TMEM128: variants seen among roughly 807,000 people sequenced by gnomAD.
The protein encoded by TMEM128 is transmembrane protein 128.
A neutral mutation model predicts 19.7 loss-of-function variants in TMEM128; 16 were observed. That is an observed-to-expected ratio of 0.81 (90% CI 0.55 to 1.23). The LOEUF (loss-of-function observed/expected upper bound fraction) is 1.23, where lower values mean the gene tolerates loss of function less well. Among genes scored for constraint, TMEM128 ranks in the 50% most tolerant of loss-of-function variants. The pLI is 0.00. For missense variants in TMEM128, 237 were observed against 200.8 expected, an observed-to-expected ratio of 1.18 and a Z score of -1.09; for synonymous variants, 98 against 75.8, an observed-to-expected ratio of 1.29 and a Z score of -1.52.
rs1186809302 is a variant in TMEM128, at chr4:4,235,715, C to T, written c.*551G>A. ...TGGTCCTGTCACCTAACAAAACTAT[C>T]ATAAATATGAGATTATAGTAATTAC... On this transcript the variant is annotated 3_prime_UTR_variant, in exon 5 of 5. Transcript: ENST00000382753. 1 of 152,614 alleles carries T rather than the reference C, an allele frequency of 6.6e-6. No individual in the cohort carries two copies. The highest frequency in any genetic ancestry group is 1.5e-5 in the Non-Finnish European group (1 of 68,028). 9.5% of individuals were successfully genotyped at this position (152,614 alleles called of 1,614,324 possible).
intron 1 of TMEM128, 35 bp from the exon 2 acceptor site, chr4:4,246,378 C>G (rs371605878): frequency 6.4e-7 from 1 of 1,570,422 alleles, no homozygotes; most frequent in Non-Finnish European, 8.6e-7. Flanking sequence ...TATTAAGTTA[C>G]CACAATTTTG....
rs747489609 is a variant in TMEM128 at position 4,237,830 on chromosome 4, C to A, written c.*6G>T. ...AAAACCACTCCAGATATCTTACCTTCGGAAATCATCCAAGGAGTGTGATAA... is the reference window on the plus strand; with the variant it reads ...AAAACCACTCCAGATATCTTACCTTAGGAAATCATCCAAGGAGTGTGATAA... On this transcript the variant is annotated 3_prime_UTR_variant, in exon 4 of 5. Transcript: ENST00000382753. 9 of 1,608,006 alleles carry A rather than the reference C, an allele frequency of 5.6e-6. No individual in the cohort carries two copies. The East Asian group carries it at 2.0e-4, about 36-fold the overall frequency.
At chr4:4,239,094 CA>C (rs2108815568) in intron 3 of TMEM128, among the ~76,000 whole-genome samples, 1 of 152,256 alleles carries the variant, frequency 6.6e-6, no homozygotes, top group South Asian at 2.1e-4. Flanking sequence ...GAGCTGCACA[CA>C]ACATAGGAAA....
chr4:4,241,067 C>A (rs1464044021), intron 2 of TMEM128, among the ~76,000 whole-genome samples: 1 of 152,088 alleles, frequency 6.6e-6, no homozygotes, highest in African/African-American at 2.4e-5. Context: ...GCCTGGGCAA[C>A]AAGAGTGAAA....
intron 1 of TMEM128, 164 bp downstream of exon 1, chr4:4,247,942 C>G (rs1283769220): frequency 3.5e-6 from 5 of 1,430,988 alleles, no homozygotes; most frequent in Non-Finnish European, 4.6e-6. Context: ...GCTGAAATGA[C>G]GATGCACAGC....
intron 1 of TMEM128, chr4:4,247,779 T>C: frequency 6.7e-7 from 1 of 1,483,576 alleles, no homozygotes; most frequent in Non-Finnish European, 9.0e-7. Flanking sequence ...TTACAAGCAA[T>C]CCTGAAGTGA....
rs530770920 is a variant in TMEM128 at position 4,248,096 on chromosome 4, C to A, written c.97+10G>T. The A allele has an allele frequency of 2.6e-6, 4 of 1,534,922 alleles. No homozygotes were observed. The highest frequency in any genetic ancestry group is 3.5e-6 in the Non-Finnish European group (4 of 1,144,022). ...CTGAGAACCTCGGGGCGGCTTGGTG[C>A]GCGCCTCACCCGGCCCGGCGTCACC... On this transcript the variant is annotated intron_variant, in intron 1 of 4. Coordinates refer to ENST00000382753, the MANE Select transcript of TMEM128 (RefSeq NM_001297551.2).
chr4:4,246,178 T>C, intron 2 of TMEM128, 24 bp downstream of exon 2: 1 of 1,575,364 alleles, frequency 6.3e-7, no homozygotes, highest in Non-Finnish European at 8.6e-7. Flanking sequence ...GGGTTTAATT[T>C]ACAAAGCAAT....
chr4:4,239,976 G>C (rs1026772121), intron 3 of TMEM128, among the ~76,000 whole-genome samples: 1 of 152,190 alleles, frequency 6.6e-6, no homozygotes, highest in Non-Finnish European at 1.5e-5. Flanking sequence ...CCAGTGTGCT[G>C]GCTCAGTTTA....
intron 4 of TMEM128, chr4:4,237,218 G>A (rs1358303930): frequency 1.3e-5 from 5 of 391,090 alleles, no homozygotes; most frequent in Non-Finnish European, 2.5e-5. Flanking sequence ...CATTCTTCCT[G>A]TATTCCCATT....
chr4:4,238,852 G>C (rs1324083314), intron 3 of TMEM128, among the ~76,000 whole-genome samples: 1 of 152,158 alleles, frequency 6.6e-6, no homozygotes, highest in Non-Finnish European at 1.5e-5. Context: ...GAGCAGCACA[G>C]CGAAACCCCA....
At chr4:4,244,786 G>C (rs1718100568) in intron 2 of TMEM128, among the ~76,000 whole-genome samples, 1 of 152,172 alleles carries the variant, frequency 6.6e-6, no homozygotes, top group Non-Finnish European at 1.5e-5. Flanking sequence ...CAGCCGACTT[G>C]CAGCAGAAGA....
chr4:4,244,903 G>C (rs554004587), intron 2 of TMEM128, among the ~76,000 whole-genome samples: 1 of 152,272 alleles, frequency 6.6e-6, no homozygotes, highest in East Asian at 1.9e-4. Context: ...GGAGTGTTTA[G>C]GGAAAGTTTC....
At chr4:4,237,317 C>T (rs12512103) in intron 4 of TMEM128, among the ~76,000 whole-genome samples, 25,382 of 151,948 alleles carry the variant, frequency 0.17, 2,196 homozygotes, top group East Asian at 0.3. Flanking sequence ...TGTGTGAATT[C>T]AACTATATTG....
At chr4:4,246,126 G>T in intron 2 of TMEM128, 76 bp downstream of exon 2, 3 of 1,478,544 alleles carry the variant, frequency 2.0e-6, no homozygotes, top group Non-Finnish European at 2.7e-6. Flanking sequence ...CTTACTGTTT[G>T]AAGAATTCAA....
chr4:4,242,240 T>C (rs941638128), intron 2 of TMEM128, among the ~76,000 whole-genome samples: 4 of 152,028 alleles, frequency 2.6e-5, no homozygotes, highest in African/African-American at 4.8e-5. Flanking sequence ...GGAAAAAATG[T>C]CCATGTTCAT....
chr4:4,237,639 G>A (rs1465876279), intron 4 of TMEM128, among the ~76,000 whole-genome samples, 188 bp downstream of exon 4: 1 of 152,162 alleles, frequency 6.6e-6, no homozygotes, highest in Non-Finnish European at 1.5e-5. Flanking sequence ...GTGAGAAGCT[G>A]TCTCAAAACA....
At chr4:4,244,582 T>C (rs1718092304) in intron 2 of TMEM128, among the ~76,000 whole-genome samples, 1 of 152,240 alleles carries the variant, frequency 6.6e-6, no homozygotes, top group African/African-American at 2.4e-5. Flanking sequence ...GTTATACTGA[T>C]GCAGCCGTGG....
Position 4,237,842 on chromosome 4 carries a change from A to C in TMEM128, c.492T>G (p.Leu164=). The C allele has an allele frequency of 6.2e-7, 1 of 1,611,888 alleles. No homozygotes were observed. The highest frequency in any genetic ancestry group is 1.7e-4 in the Middle Eastern group (1 of 6,054). The change falls in exon 4 of 5, where the codon CTT becomes CTG. Residue 164 remains leucine, a synonymous_variant. Coordinates refer to ENST00000382753, the MANE Select transcript of TMEM128 (RefSeq NM_001297551.2). ...GATATCTTACCTTCGGAAATCATCC[A>C]AGGAGTGTGATAAACATGACAACCC... ...FMGVVMFITL[L]G
Sources: allele counts gnomAD v4.1 joint callset (sites outside exome capture counted in the v4.1 genomes callset), GRCh38; gene constraint gnomAD v4.1.1; transcripts MANE v1.5; gene names NCBI Gene and HGNC (gene_info 2026-07-23, HGNC 2026-07-21).